The following SYNPO2 variants were observed in gnomAD, a reference collection of about 807,000 sequenced individuals.
SYNPO2 encodes the protein synaptopodin-2.
Under a neutral mutation model 85.0 loss-of-function variants are expected in SYNPO2, and 56 were observed. The observed-to-expected ratio is 0.66, with a 90% CI of 0.53 to 0.82. The LOEUF (loss-of-function observed/expected upper bound fraction) is 0.82, where lower values mean the gene tolerates loss of function less well. Among genes scored for constraint, SYNPO2 ranks in the 40% least tolerant of loss-of-function variants. The pLI is 0.00. For missense variants in SYNPO2, 1,575 were observed against 1,534.2 expected, an observed-to-expected ratio of 1.03 and a Z score of -0.44; for synonymous variants, 602 against 591.1, an observed-to-expected ratio of 1.02 and a Z score of -0.27.
chr4:118,964,983 G>C (rs965569166), intron 1 of SYNPO2, among the ~76,000 whole-genome samples: 12 of 152,120 alleles, frequency 7.9e-5, no homozygotes, highest in Non-Finnish European at 1.2e-4. Flanking sequence ...AAGCCCAAAG[G>C]CTGCTCCCAA....
chr4:119,023,557 A>C lies in SYNPO2; in HGVS notation c.233A>C (p.Asp78Ala). ...EVIKLMESIT[D>A]SLQMLIKRPS... is the part of the protein sequence containing the mutation. ...ATCAAGCTCATGGAAAGCATAACAG[A>C]CTCTCTCCAAATGCTCATCAAAAGG... Residue 78 changes from aspartate (D) to alanine (A), a missense_variant, in exon 2 of 5, where the codon GAC becomes GCC. By Grantham distance (126) the Asp-to-Ala change is moderately radical. Around this residue, in one of 3 missense-constraint regions of SYNPO2, gnomAD observed 1,508 missense variants for 1,446.8 expected, o/e 1.04. Coordinates refer to ENST00000307142, the MANE Select transcript of SYNPO2 (RefSeq NM_133477.3). The C allele has an allele frequency of 6.2e-7, 1 of 1,612,610 alleles. No individual in the cohort carries two copies. Among genetic ancestry groups the C allele is most frequent in the Non-Finnish European group, 8.5e-7 (1 of 1,179,236 alleles).
chr4:119,051,003 G>A (rs945183087), intron 4 of SYNPO2, among the ~76,000 whole-genome samples: 1 of 152,146 alleles, frequency 6.6e-6, no homozygotes, highest in Non-Finnish European at 1.5e-5. Flanking sequence ...TGGAGAACTT[G>A]AGGGAGTGAA....
intron 4 of SYNPO2, chr4:119,033,921 C>T (rs1738388454): frequency 2.0e-6 from 2 of 985,282 alleles, no homozygotes; most frequent in Admixed American, 6.2e-5. Context: ...ATTAAGTCAG[C>T]TGCAGAACAA....
upstream of SYNPO2, among the ~76,000 whole-genome samples, chr4:118,886,261 T>C (rs986918125): frequency 1.3e-5 from 2 of 152,194 alleles, no homozygotes; most frequent in Admixed American, 1.3e-4. Context: ...ATTTTTACTT[T>C]AAGTTCTGGG....
chr4:118,879,227 C>T (rs995325478), intron 1 of SYNPO2, among the ~76,000 whole-genome samples: 7 of 152,210 alleles, frequency 4.6e-5, no homozygotes, highest in African/African-American at 1.7e-4. Context: ...TCCGTGGCTT[C>T]ATTGTTGAAG....
chr4:118,979,695 A>G (rs895729204), intron 1 of SYNPO2, among the ~76,000 whole-genome samples: 4 of 152,334 alleles, frequency 2.6e-5, no homozygotes, highest in African/African-American at 9.6e-5. Flanking sequence ...CAGGGTAGCA[A>G]CAGAGGCATC....
At chr4:118,977,319 C>A (rs1054314221) in intron 1 of SYNPO2, among the ~76,000 whole-genome samples, 2 of 152,346 alleles carry the variant, frequency 1.3e-5, no homozygotes, top group East Asian at 3.9e-4. Context: ...TGCCCGAGGC[C>A]GCAGGGCTGG....
At chr4:119,032,108 G>C in intron 4 of SYNPO2, 81 bp downstream of exon 4, 8 of 1,550,612 alleles carry the variant, frequency 5.2e-6, no homozygotes, top group Non-Finnish European at 6.1e-6. Flanking sequence ...ATTGTTTGCA[G>C]TGTTTCTTGA....
chr4:119,031,517 C>T lies in SYNPO2; in HGVS notation c.2742C>T (p.Ser914=), dbSNP rs1318255770. The part of the protein sequence containing the change: ...TPSLPASWKY[S]SNVRAPPPVA... ...CTCTCCCGGCCAGTTGGAAGTACTC[C>T]TCCAATGTCCGAGCACCTCCTCCTG... The change falls in exon 4 of 5, where the codon TCC becomes TCT. Residue 914 remains serine (S), a synonymous_variant. Coordinates refer to ENST00000307142, the MANE Select transcript of SYNPO2 (RefSeq NM_133477.3). 14 of 1,614,010 alleles carry T rather than the reference C, an allele frequency of 8.7e-6. No individual in the cohort carries two copies. The Admixed American group carries it at 2.3e-4, about 27-fold the overall frequency.
chr4:118,885,904 A>G (rs1171547296), upstream of SYNPO2, among the ~76,000 whole-genome samples: 2 of 152,234 alleles, frequency 1.3e-5, no homozygotes, highest in African/African-American at 4.8e-5. Context: ...CGGGCAGACA[A>G]AAGTTCAAAC....
chr4:118,872,600 T>C (rs1185257371), intron 1 of SYNPO2, among the ~76,000 whole-genome samples: 1 of 152,182 alleles, frequency 6.6e-6, no homozygotes, highest in Non-Finnish European at 1.5e-5. Flanking sequence ...ATAAGACTTC[T>C]ACATAAGAAA....
In SYNPO2 at chr4:119,033,585, G is replaced by A. The variant is rs538540426; in HGVS notation, c.3252+1558G>A. 5.2e-5 allele frequency: 51 copies of A among 985,386 alleles called. No homozygotes were observed. The Admixed American group carries it at 2.4e-3, about 46-fold the overall frequency. The allele number at this position is 985,386 out of a possible 1,614,324, so 61.0% of individuals were successfully genotyped here. ...CTACTCTATGCAGGAGATATGTTTA[G>A]AGACCTCTCAGAAAAACTTGCCTGG... On this transcript the variant is annotated intron_variant, in intron 4 of 4. Transcript: ENST00000307142.
chr4:118,882,435 A>G (rs2149110707), intron 1 of SYNPO2, among the ~76,000 whole-genome samples: 1 of 152,360 alleles, frequency 6.6e-6, no homozygotes, highest in South Asian at 2.1e-4. Flanking sequence ...AACATGCGAT[A>G]TTTATTAAAA....
chr4:118,936,595 A>G (rs1734112329), intron 1 of SYNPO2, among the ~76,000 whole-genome samples: 1 of 152,230 alleles, frequency 6.6e-6, no homozygotes, highest in East Asian at 1.9e-4. Context: ...CACCCAGGGT[A>G]CACAGCCTGG....
At chr4:118,901,442 A>AT (rs1350610311) in intron 1 of SYNPO2, among the ~76,000 whole-genome samples, 2 of 152,188 alleles carry the variant, frequency 1.3e-5, no homozygotes, top group Non-Finnish European at 2.9e-5. Flanking sequence ...AATTTTGAGT[A>AT]TTTTCTCTAC....
intron 1 of SYNPO2, among the ~76,000 whole-genome samples, chr4:119,006,602 G>A (rs536037576): frequency 1.3e-3 from 196 of 152,100 alleles, no homozygotes; most frequent in South Asian, 2.9e-3. Context: ...TATCAAAAGC[G>A]GAAACTAATA....
At chr4:118,995,807 T>G (rs1442068268) in intron 1 of SYNPO2, among the ~76,000 whole-genome samples, 1 of 152,236 alleles carries the variant, frequency 6.6e-6, no homozygotes, top group African/African-American at 2.4e-5. Flanking sequence ...GTGCTAGGTC[T>G]GGACTTTTCC....
Position 118,874,583 on chromosome 4 carries a change from G to C in SYNPO2, c.12+23643G>C. ...CATGGCTCTTTTTATAGCTGGATAA[G>C]TTTTGCCTTTTTTCCCTGCTGTGGA... On this transcript the variant is annotated intron_variant, in intron 1 of 4. Transcript: ENST00000610556. 1.3e-5 allele frequency among the ~76,000 whole-genome samples: 2 copies of C among 152,126 alleles called. 1 individual carries two copies. Among genetic ancestry groups the C allele is most frequent in the East Asian group, 3.8e-4 (2 of 5,200 alleles).
chr4:119,029,100 T>C (rs1310419290), intron 3 of SYNPO2, among the ~76,000 whole-genome samples: 1 of 152,104 alleles, frequency 6.6e-6, no homozygotes, highest in Non-Finnish European at 1.5e-5. Flanking sequence ...TAATATTGTA[T>C]TTCCAAAATA....
Sources: allele counts gnomAD v4.1 joint callset (sites outside exome capture counted in the v4.1 genomes callset), GRCh38; gene constraint gnomAD v4.1.1; regional missense constraint gnomAD v4.1.1; transcripts MANE v1.5; gene names NCBI Gene and HGNC (gene_info 2026-07-23, HGNC 2026-07-21).